FILIP1L: variants seen among roughly 807,000 people sequenced by gnomAD.
FILIP1L encodes filamin A-interacting protein 1-like.
FILIP1L carries 55 observed loss-of-function variants against 96.6 expected under a neutral mutation model. That is an observed-to-expected ratio of 0.57 (90% CI 0.46 to 0.71). The LOEUF is 0.71. FILIP1L is among the 30% of genes least tolerant of loss of function. The pLI is 0.00. For synonymous variants in FILIP1L, 467 were observed against 473.9 expected (o/e 0.99, Z 0.19); for missense variants, 1,304 against 1,321.2 (o/e 0.99, Z 0.20).
intron 4 of FILIP1L, among the ~76,000 whole-genome samples, chr3:99,907,287 G>A (rs546172941): frequency 6.6e-6 from 1 of 151,868 alleles, no homozygotes; most frequent in Admixed American, 6.6e-5. Context: ...TCACTCTGTT[G>A]CCCAGGCTGG....
At chr3:99,949,034 G>A (rs971478904) in intron 1 of FILIP1L, among the ~76,000 whole-genome samples, 6 of 152,110 alleles carry the variant, frequency 3.9e-5, no homozygotes, top group East Asian at 3.8e-4. Flanking sequence ...TTATTTCCTA[G>A]CATACAGCTG....
intron 3 of FILIP1L, among the ~76,000 whole-genome samples, chr3:99,926,624 G>A (rs1427455837): frequency 1.3e-5 from 2 of 152,200 alleles, no homozygotes; most frequent in African/African-American, 2.4e-5. Flanking sequence ...TAGAATTAAT[G>A]TATGAATAAT....
chr3:99,931,568 C>A (rs1175722781), intron 1 of FILIP1L, among the ~76,000 whole-genome samples: 1 of 152,114 alleles, frequency 6.6e-6, no homozygotes, highest in Non-Finnish European at 1.5e-5. Flanking sequence ...AGAATTACTG[C>A]ATTATTTTGT....
chr3:99,986,952 G>A (rs1392576426), intron 1 of FILIP1L, among the ~76,000 whole-genome samples: 1 of 152,188 alleles, frequency 6.6e-6, no homozygotes, highest in Non-Finnish European at 1.5e-5. Flanking sequence ...ATTTAGGCCA[G>A]GCACAGTGGC....
At chr3:99,983,470 A>ATATATATATATGTGTGTGTG (rs1709222618) in intron 1 of FILIP1L, among the ~76,000 whole-genome samples, 1 of 9,864 alleles carries the variant, frequency 1.0e-4, no homozygotes, top group African/African-American at 3.4e-4. Flanking sequence ...GTGTGTATAT[A>ATATATATATATGTGTGTGTG]TATATATATA....
rs747667193 is a variant in FILIP1L at position 99,848,988 on chromosome 3, G to A, written c.2688C>T (p.His896=). 1.2e-6 allele frequency: 2 copies of A among 1,614,008 alleles called. No individual in the cohort carries two copies. The highest frequency in any genetic ancestry group is 2.2e-5 in the East Asian group (1 of 44,906). Residue 896 remains histidine (H), a synonymous_variant, in exon 5 of 6, where the codon CAC becomes CAT. Coordinates refer to ENST00000477258, the MANE Select transcript of FILIP1L (RefSeq NM_001387850.1). ...FVQPGDLVLS[H]TPGQPLHIKV... The stretch of plus-strand genomic sequence containing the variant: ...TTATATGAAGTGGCTGCCCAGGTGT[G>A]TGGCTTAGGACTAGATCTCCAGGTT...
chr3:99,846,428 C>A (rs897450069), intron 5 of FILIP1L, among the ~76,000 whole-genome samples: 2 of 152,226 alleles, frequency 1.3e-5, no homozygotes, highest in African/African-American at 4.8e-5. Context: ...GCAGCATTAT[C>A]ATTGTCTGTT....
chr3:99,883,457 A>G (rs1192848133), intron 4 of FILIP1L, among the ~76,000 whole-genome samples: 1 of 152,174 alleles, frequency 6.6e-6, no homozygotes, highest in Admixed American at 6.5e-5. Flanking sequence ...AGATTATTTC[A>G]TCATGATTAT....
intron 1 of FILIP1L, among the ~76,000 whole-genome samples, chr3:100,072,815 C>T (rs987508335): frequency 1.3e-5 from 2 of 152,132 alleles, no homozygotes; most frequent in African/African-American, 2.4e-5. Context: ...TCTAGGGACT[C>T]ATGAGTCACT....
intron 1 of FILIP1L, among the ~76,000 whole-genome samples, chr3:99,939,353 A>G (rs1011712964): frequency 6.6e-6 from 1 of 152,234 alleles, no homozygotes; most frequent in Non-Finnish European, 1.5e-5. Flanking sequence ...AAGCAAGCCA[A>G]GCTACTCTTC....
chr3:99,953,757 T>C (rs528381348), intron 1 of FILIP1L, among the ~76,000 whole-genome samples: 3 of 152,138 alleles, frequency 2.0e-5, no homozygotes, highest in Non-Finnish European at 4.4e-5. Context: ...AGAAACTCAG[T>C]CTATACTGAC....
intron 1 of FILIP1L, among the ~76,000 whole-genome samples, chr3:100,011,114 G>A (rs1033658229): frequency 2.0e-5 from 3 of 152,098 alleles, no homozygotes; most frequent in African/African-American, 4.8e-5. Flanking sequence ...TATTAAGCAC[G>A]ACAGAGACAA....
At chr3:100,043,309 G>A (rs1011733103) in intron 1 of FILIP1L, among the ~76,000 whole-genome samples, 16 of 152,162 alleles carry the variant, frequency 1.1e-4, no homozygotes, top group African/African-American at 3.9e-4. Context: ...CCCTTTGAAA[G>A]ATTATATTTT....
chr3:99,911,865 G>C (rs1044789813), intron 4 of FILIP1L, among the ~76,000 whole-genome samples: 4 of 151,894 alleles, frequency 2.6e-5, no homozygotes, highest in African/African-American at 9.7e-5. Context: ...ATAGTGTTAA[G>C]TTAAATGAAA....
intron 1 of FILIP1L, among the ~76,000 whole-genome samples, chr3:99,931,776 G>A (rs1707490091): frequency 6.6e-6 from 1 of 152,096 alleles, no homozygotes; most frequent in Admixed American, 6.5e-5. Flanking sequence ...ATAAATTAAT[G>A]TTTAAAGGAC....
At chr3:99,953,748 G>A (rs1708243770) in intron 1 of FILIP1L, among the ~76,000 whole-genome samples, 1 of 152,182 alleles carries the variant, frequency 6.6e-6, no homozygotes, top group African/African-American at 2.4e-5. Flanking sequence ...GCCTTTCCTA[G>A]AAACTCAGTC....
chr3:100,108,134 T>A (rs1248288745), intron 1 of FILIP1L, among the ~76,000 whole-genome samples: 1 of 152,168 alleles, frequency 6.6e-6, no homozygotes, highest in Non-Finnish European at 1.5e-5. Context: ...GCTAGTTCCT[T>A]TTATTTATAG....
intron 1 of FILIP1L, among the ~76,000 whole-genome samples, chr3:100,045,218 G>T (rs2065260343): frequency 6.6e-6 from 1 of 152,212 alleles, no homozygotes; most frequent in Non-Finnish European, 1.5e-5. Context: ...TAACTTGGAA[G>T]TAATGATCTA....
intron 4 of FILIP1L, among the ~76,000 whole-genome samples, chr3:99,885,763 GACACACACACAA>G (rs1705873995): frequency 6.6e-6 from 1 of 152,034 alleles, no homozygotes; most frequent in African/African-American, 2.4e-5. Context: ...CTGCCCAAAA[GACACACACACAA>G]ACACACACAT....
Sources: gnomAD v4.1 joint callset for allele counts (sites outside exome capture counted in the v4.1 genomes callset) on GRCh38, gnomAD v4.1.1 for gene constraint, MANE v1.5 for transcripts, NCBI Gene and HGNC (gene_info 2026-07-23, HGNC 2026-07-21) for gene names.